PDE1A: variants seen among roughly 807,000 people sequenced by gnomAD.
PDE1A encodes phosphodiesterase 1A, also known as dual specificity calcium/calmodulin-dependent 3',5'-cyclic nucleotide phosphodiesterase 1A.
Under a neutral mutation model 61.7 loss-of-function variants are expected in PDE1A, and 35 were observed. The observed-to-expected ratio is 0.57, with a 90% CI of 0.43 to 0.75. The LOEUF (loss-of-function observed/expected upper bound fraction) is 0.75, where lower values mean the gene tolerates loss of function less well. PDE1A is among the 30% of genes least tolerant of loss of function. PDE1A has a pLI of 0.00. For synonymous variants in PDE1A, 232 were observed against 213.2 expected, an observed-to-expected ratio of 1.09 and a Z score of -0.77; for missense variants, 597 against 630.6, an observed-to-expected ratio of 0.95 and a Z score of 0.57.
upstream of PDE1A, among the ~76,000 whole-genome samples, chr2:182,527,642 T>G (rs1690798116): frequency 6.6e-6 from 1 of 151,928 alleles, no homozygotes; most frequent in African/African-American, 2.4e-5. Flanking sequence ...AAAAAATAAC[T>G]TAGACGTCAA....
chr2:182,197,757 T>G (rs1686259271), intron 10 of PDE1A, among the ~76,000 whole-genome samples: 2 of 151,912 alleles, frequency 1.3e-5, no homozygotes, highest in African/African-American at 2.4e-5. Context: ...AATGATCTAT[T>G]TGCCTAGCCC....
the PDE1A span, among the ~76,000 whole-genome samples, chr2:182,686,976 T>TG: frequency 1.3e-5 from 2 of 152,032 alleles, no homozygotes; most frequent in Non-Finnish European, 2.9e-5. Flanking sequence ...GCAGCCAAGC[T>TG]GGGGGAGGGG....
the PDE1A span, among the ~76,000 whole-genome samples, chr2:182,623,920 C>T: frequency 4.6e-5 from 7 of 151,842 alleles, no homozygotes; most frequent in Non-Finnish European, 8.8e-5. Context: ...GGTCAGGAGA[C>T]CGAGACCATC....
At chr2:182,235,019 A>C (rs1017448193) in intron 3 of PDE1A, among the ~76,000 whole-genome samples, 1 of 152,260 alleles carries the variant, frequency 6.6e-6, no homozygotes, top group Admixed American at 6.5e-5. Context: ...ACTAGCAAAA[A>C]TTGTTTAAGT....
chr2:182,358,061 A>G (rs976867192), intron 1 of PDE1A, among the ~76,000 whole-genome samples: 10 of 152,134 alleles, frequency 6.6e-5, no homozygotes, highest in African/African-American at 2.4e-4. Flanking sequence ...ACCATTTCTC[A>G]GCCACCTTCC....
chr2:182,319,132 G>A (rs1017584792), intron 1 of PDE1A, among the ~76,000 whole-genome samples: 2 of 152,074 alleles, frequency 1.3e-5, no homozygotes, highest in African/African-American at 4.8e-5. Flanking sequence ...TGTGCAATAT[G>A]CCCCTTATCT....
chr2:182,478,530 G>A (rs1474034018), intron 2 of PDE1A, among the ~76,000 whole-genome samples: 1 of 151,790 alleles, frequency 6.6e-6, no homozygotes, highest in Non-Finnish European at 1.5e-5. Context: ...TATTTCAGGG[G>A]CACCTTCATA....
At chr2:182,145,123 T>C (rs1344418493), downstream of PDE1A, among the ~76,000 whole-genome samples, 3 of 152,266 alleles carry the variant, frequency 2.0e-5, no homozygotes, top group Non-Finnish European at 4.4e-5. Context: ...TGTCTGAAGT[T>C]TGAGTAAAGA....
chr2:182,167,862 G>A (rs985562772), downstream of PDE1A: 11 of 1,004,058 alleles, frequency 1.1e-5, no homozygotes, highest in Non-Finnish European at 1.1e-5. Context: ...CATTTTTGAC[G>A]TTTAGAAAAG....
intron 1 of PDE1A, among the ~76,000 whole-genome samples, chr2:182,403,928 C>A (rs1052031728): frequency 6.6e-6 from 1 of 151,972 alleles, no homozygotes; most frequent in African/African-American, 2.4e-5. Context: ...CACGTGTATA[C>A]CTACGTAACA....
chr2:182,324,807 C>A (rs1180516726), intron 1 of PDE1A, among the ~76,000 whole-genome samples: 1 of 152,148 alleles, frequency 6.6e-6, no homozygotes, highest in Non-Finnish European at 1.5e-5. Context: ...AATGCAAAAC[C>A]AAGTCAGCTG....
At chr2:182,624,124 CAAAAAAAAAA>C in the PDE1A span, among the ~76,000 whole-genome samples, 1 of 110,020 alleles carries the variant, frequency 9.1e-6, no homozygotes. Flanking sequence ...GACTCCGTCT[CAAAAAAAAAA>C]AAAAAAAAGA....
chr2:182,407,626 C>T (rs1341847607), intron 1 of PDE1A, among the ~76,000 whole-genome samples: 1 of 152,166 alleles, frequency 6.6e-6, no homozygotes, highest in Non-Finnish European at 1.5e-5. Flanking sequence ...AAGTGATCCA[C>T]AGCCTGGGCC....
chr2:182,242,952 G>GTGTGTGTGTGTGTTTGTGTGTTT, intron 2 of PDE1A, among the ~76,000 whole-genome samples: 1 of 46,130 alleles, frequency 2.2e-5, no homozygotes, highest in African/African-American at 1.3e-4. Flanking sequence ...TGTGTGTGTT[G>GTGTGTGTGTGTGTTTGTGTGTTT]TGTAGCTGTT....
chr2:182,433,679 G>A (rs1328201752), intron 2 of PDE1A, among the ~76,000 whole-genome samples: 2 of 152,022 alleles, frequency 1.3e-5, no homozygotes, highest in Non-Finnish European at 2.9e-5. Context: ...TATATATGAT[G>A]AAACTTTCTT....
chr2:182,550,070 A>T, the PDE1A span, among the ~76,000 whole-genome samples: 1 of 152,274 alleles, frequency 6.6e-6, no homozygotes, highest in East Asian at 1.9e-4. Flanking sequence ...CCTAGTAAAG[A>T]AGTAGCAAAT....
chr2:182,428,300 G>A (rs1350756779), upstream of PDE1A, among the ~76,000 whole-genome samples: 3 of 151,900 alleles, frequency 2.0e-5, no homozygotes. Context: ...AGCTTTAATG[G>A]TACTATCATG....
intron 1 of PDE1A, among the ~76,000 whole-genome samples, chr2:182,375,201 A>G (rs1459848069): frequency 1.3e-5 from 2 of 152,120 alleles, no homozygotes. Context: ...TTCAAAACCA[A>G]TCATGCCTTC....
the PDE1A span, among the ~76,000 whole-genome samples, chr2:182,639,227 G>T: frequency 1.3e-5 from 2 of 152,150 alleles, no homozygotes; most frequent in Admixed American, 1.3e-4. Flanking sequence ...GAAAACCTAA[G>T]CAGAGAGTAA....
Sources: allele counts gnomAD v4.1 joint callset (sites outside exome capture counted in the v4.1 genomes callset), GRCh38; gene constraint gnomAD v4.1.1; transcripts MANE v1.5; gene names NCBI Gene and HGNC (gene_info 2026-07-23, HGNC 2026-07-21).